PARVA: variants seen among roughly 807,000 people sequenced by gnomAD.
PARVA encodes the protein parvin alpha.
PARVA carries 25 observed loss-of-function variants against 52.6 expected under a neutral mutation model. The observed-to-expected ratio is 0.48, with a 90% CI of 0.35 to 0.66. The LOEUF (loss-of-function observed/expected upper bound fraction) is 0.66. PARVA is among the 30% of genes least tolerant of loss of function. The probability of loss-of-function intolerance (pLI) is 0.01; values close to 1 mark genes in which losing one functional copy is unlikely to be tolerated. For missense variants in PARVA, 373 were observed against 450.9 expected (o/e 0.83, Z 1.56); for synonymous variants, 185 against 179.1 (o/e 1.03, Z -0.26).
Position 12,477,867 on chromosome 11 carries a change from T to TGATGTGTTGG in PARVA, c.319_328dup (p.Val110GlyfsTer15). 1 of 1,594,450 alleles carries TGATGTGTTGG rather than the reference T, an allele frequency of 6.3e-7. No individual in the cohort carries two copies. The highest frequency in any genetic ancestry group is 8.6e-7 in the Non-Finnish European group (1 of 1,162,072). ...TGTAGGTATTAATTGACTGGATTAA[T>TGATGTGTTGG]GATGTGTTGGTTGGAGAAAGAATCA... is the stretch of plus-strand genomic sequence containing the variant. On this transcript the variant is annotated frameshift_variant, in exon 4 of 13. Coordinates refer to ENST00000334956, the MANE Select transcript of PARVA (RefSeq NM_018222.5). LOFTEE classifies it high-confidence loss of function.
At chr11:12,378,440 A>G (rs1170622140) in intron 1 of PARVA, among the ~76,000 whole-genome samples, 1 of 152,188 alleles carries the variant, frequency 6.6e-6, no homozygotes, top group Admixed American at 6.5e-5. Context: ...GTAATACACA[A>G]TAAACTCCCA....
chr11:12,492,077 G>C (rs1464001718), intron 4 of PARVA, among the ~76,000 whole-genome samples: 1 of 152,170 alleles, frequency 6.6e-6, no homozygotes. Context: ...TTTAGTTCTT[G>C]AAGGGTGGTT....
chr11:12,464,286 T>TAAAA (rs1940825666), intron 1 of PARVA, among the ~76,000 whole-genome samples: 1 of 152,238 alleles, frequency 6.6e-6, no homozygotes, highest in African/African-American at 2.4e-5. Context: ...CATAAGTTTT[T>TAAAA]ACTGATGTCT....
At chr11:12,468,583 GA>G (rs1940886973) in intron 1 of PARVA, among the ~76,000 whole-genome samples, 1 of 152,162 alleles carries the variant, frequency 6.6e-6, no homozygotes. Context: ...CTGAGGCCTA[GA>G]AAAATACCTC....
intron 1 of PARVA, chr11:12,452,856 G>T: frequency 2.9e-6 from 1 of 343,390 alleles, no homozygotes; most frequent in South Asian, 2.2e-5. Context: ...GAGTTGTGCC[G>T]AGCAGGAGGC....
chr11:12,534,549 AT>A lies in PARVA; in HGVS notation c.*6627del, dbSNP rs894887112. On this transcript the variant is annotated 3_prime_UTR_variant, in exon 13 of 13. Transcript: ENST00000334956. ...GTTTTATCAATGAAGCAGACTTTTC[AT>A]TTCTTTTTATTGATCTTCATGTTTT... Among the ~76,000 whole-genome samples the A allele has an allele frequency of 7.9e-5, 12 of 152,194 alleles. No homozygotes were observed. The highest frequency in any genetic ancestry group is 2.9e-4 in the African/African-American group (12 of 41,456).
chr11:12,427,179 A>G (rs1940249563), intron 1 of PARVA, among the ~76,000 whole-genome samples: 1 of 152,270 alleles, frequency 6.6e-6, no homozygotes, highest in African/African-American at 2.4e-5. Flanking sequence ...TATAATTATT[A>G]TAAAAGAAAT....
chr11:12,508,126 A>C (rs1254734653), intron 6 of PARVA, among the ~76,000 whole-genome samples: 1,728 of 66,368 alleles, frequency 0.026, 25 homozygotes, highest in African/African-American at 0.13. Flanking sequence ...AAAAAAACCA[A>C]AAAAAAAAAC....
rs536018175 is a variant in PARVA, at chr11:12,463,079, T to C, written c.137-10666T>C. On this transcript the variant is annotated intron_variant, in intron 1 of 12. Transcript: ENST00000334956. ...TTTTAGATCTACCAAAAAAAAAAAT[T>C]GCAAAGGGAGTACAGAGTTTTCGTA... Among the ~76,000 whole-genome samples the C allele has an allele frequency of 1.5e-3, 223 of 152,176 alleles. 1 individual carries two copies. Among genetic ancestry groups the C allele is most frequent in the Non-Finnish European group, 2.2e-3 (150 of 67,996 alleles).
At chr11:12,390,650 AC>A (rs1293647935) in intron 1 of PARVA, among the ~76,000 whole-genome samples, 2 of 152,022 alleles carry the variant, frequency 1.3e-5, no homozygotes, top group African/African-American at 4.8e-5. Context: ...TCACAAAGGG[AC>A]CCTGGTTCTT....
chr11:12,513,464 A>T (rs767881683), intron 9 of PARVA, 104 bp downstream of exon 9: 2 of 982,386 alleles, frequency 2.0e-6, no homozygotes, highest in African/African-American at 3.2e-5. Flanking sequence ...AACTGGTGGC[A>T]TCACCTAACC....
intron 1 of PARVA, among the ~76,000 whole-genome samples, chr11:12,471,944 G>A (rs370947422): frequency 1.3e-5 from 2 of 152,206 alleles, no homozygotes; most frequent in Non-Finnish European, 2.9e-5. Flanking sequence ...CACTCCTTGC[G>A]TAGCAATGCT....
At chr11:12,376,793 G>T, upstream of PARVA, 1 of 839,180 alleles carries the variant, frequency 1.2e-6, no homozygotes. Flanking sequence ...CAAACACTGT[G>T]CTTTGTATGA....
At chr11:12,402,778 A>G (rs942757332) in intron 1 of PARVA, among the ~76,000 whole-genome samples, 1 of 152,224 alleles carries the variant, frequency 6.6e-6, no homozygotes, top group East Asian at 1.9e-4. Flanking sequence ...GAGACTACAC[A>G]CACATACGTA....
At chr11:12,403,797 C>T (rs941542397) in intron 1 of PARVA, among the ~76,000 whole-genome samples, 27 of 152,232 alleles carry the variant, frequency 1.8e-4, no homozygotes, top group African/African-American at 6.3e-4. Context: ...CAGGTTCTGT[C>T]AGCCAGCTGG....
Position 12,457,774 on chromosome 11 carries a change from G to C in PARVA, c.137-15971G>C, listed in dbSNP as rs534191481. ...GTCCTCTTGGACCACTCAAAATAGT[G>C]GGGGGAGACAGGTTGTCCTTCAGAT... On this transcript the variant is annotated intron_variant, in intron 1 of 12. Transcript: ENST00000334956. Among the ~76,000 whole-genome samples the C allele has an allele frequency of 6.9e-5, 10 of 145,350 alleles. No homozygotes were observed. The South Asian group carries it at 2.4e-3, about 35-fold the overall frequency.
chr11:12,509,970 C>T (rs1941485891), intron 7 of PARVA, among the ~76,000 whole-genome samples: 1 of 152,174 alleles, frequency 6.6e-6, no homozygotes, highest in Admixed American at 6.5e-5. Flanking sequence ...GAGAAACTCC[C>T]AAACCAGGGA....
intron 1 of PARVA, among the ~76,000 whole-genome samples, chr11:12,416,526 A>G (rs1940069296): frequency 6.6e-6 from 1 of 152,204 alleles, no homozygotes; most frequent in Non-Finnish European, 1.5e-5. Flanking sequence ...GATTTCACAG[A>G]CAGCTTATAT....
chr11:12,408,921 A>G (rs969877155), intron 1 of PARVA, among the ~76,000 whole-genome samples: 2 of 152,326 alleles, frequency 1.3e-5, no homozygotes, highest in African/African-American at 4.8e-5. Flanking sequence ...GATCTTGGGA[A>G]TGAATGTTCC....
Sources: gnomAD v4.1 joint callset for allele counts (sites outside exome capture counted in the v4.1 genomes callset) on GRCh38, gnomAD v4.1.1 for gene constraint, MANE v1.5 for transcripts, NCBI Gene and HGNC (gene_info 2026-07-23, HGNC 2026-07-21) for gene names.